PDE1A: variants seen among roughly 807,000 people sequenced by gnomAD.
PDE1A encodes phosphodiesterase 1A, also known as dual specificity calcium/calmodulin-dependent 3',5'-cyclic nucleotide phosphodiesterase 1A.
A neutral mutation model predicts 61.7 loss-of-function variants in PDE1A; 35 were observed. That is an observed-to-expected ratio of 0.57 (90% CI 0.43 to 0.75). The LOEUF is 0.75. Among genes scored for constraint, PDE1A ranks in the 30% least tolerant of loss-of-function variants. PDE1A has a pLI of 0.00. For missense variants in PDE1A, 597 were observed against 630.6 expected (o/e 0.95, Z 0.57); for synonymous variants, 232 against 213.2 (o/e 1.09, Z -0.77).
chr2:182,605,940 G>A, the PDE1A span, among the ~76,000 whole-genome samples: 82,331 of 151,942 alleles, frequency 0.54, 22,788 homozygotes, highest in Admixed American at 0.66. Context: ...CATCTTCCAG[G>A]TCTCATATTT....
chr2:182,242,832 CCCA>C (rs1690624973), intron 2 of PDE1A, among the ~76,000 whole-genome samples: 1 of 151,922 alleles, frequency 6.6e-6, no homozygotes, highest in Admixed American at 6.6e-5. Context: ...ATCACATGAG[CCCA>C]TTCCTTAAAA....
chr2:182,540,200 C>T, the PDE1A span, among the ~76,000 whole-genome samples: 12 of 151,948 alleles, frequency 7.9e-5, no homozygotes, highest in East Asian at 2.1e-3. Context: ...ACCGTCTCTA[C>T]TAAAAATACA....
At chr2:182,313,769 A>G (rs1013026964) in intron 1 of PDE1A, among the ~76,000 whole-genome samples, 3 of 151,164 alleles carry the variant, frequency 2.0e-5, no homozygotes, top group Admixed American at 1.3e-4. Context: ...AAACATTAGT[A>G]GGTTTTTAAG....
intron 1 of PDE1A, among the ~76,000 whole-genome samples, chr2:182,356,698 C>T (rs1478472754): frequency 6.6e-6 from 1 of 152,074 alleles, no homozygotes; most frequent in Non-Finnish European, 1.5e-5. Context: ...GGCGCCACTG[C>T]ACTCCAGCCT....
rs150406643 is a variant in PDE1A at position 182,502,987 on chromosome 2, G to A, written c.101+19289C>T. On this transcript the variant is annotated intron_variant, in intron 2 of 14. Coordinates refer to the PDE1A transcript ENST00000410103. Reference sequence around the variant, plus strand: ...TTTCAGGTAAGGAACTGTAGACCCAGTTGTTCAGGTTCTCTCTTTCTCTCT... The same window carrying A: ...TTTCAGGTAAGGAACTGTAGACCCAATTGTTCAGGTTCTCTCTTTCTCTCT... Among the ~76,000 whole-genome samples the A allele has an allele frequency of 5.7e-3, 867 of 150,932 alleles. 9 individuals carry two copies. Among genetic ancestry groups the A allele is most frequent in the African/African-American group, 0.02 (837 of 40,856 alleles).
the PDE1A span, among the ~76,000 whole-genome samples, chr2:182,636,318 G>A: frequency 6.6e-6 from 1 of 151,986 alleles, no homozygotes; most frequent in African/African-American, 2.4e-5. Flanking sequence ...CTGTCTCCTA[G>A]TTCCAACAAA....
intron 2 of PDE1A, among the ~76,000 whole-genome samples, chr2:182,436,170 C>T (rs955649038): frequency 1.3e-5 from 2 of 151,932 alleles, no homozygotes; most frequent in Non-Finnish European, 2.9e-5. Context: ...TATATTTGTA[C>T]CCTCACTCCT....
At chr2:182,225,238 C>G (rs769688470) in intron 6 of PDE1A, among the ~76,000 whole-genome samples, 1 of 151,870 alleles carries the variant, frequency 6.6e-6, no homozygotes, top group African/African-American at 2.4e-5. Context: ...GTCAATAGTA[C>G]AATCGTGTTG....
At chr2:182,167,312 A>G (rs1286904935), downstream of PDE1A, among the ~76,000 whole-genome samples, 2 of 152,138 alleles carry the variant, frequency 1.3e-5, no homozygotes, top group East Asian at 1.9e-4. Context: ...TCTTACAAAC[A>G]TTCTTTACTG....
intron 1 of PDE1A, among the ~76,000 whole-genome samples, chr2:182,341,040 T>C (rs1228516956): frequency 2.0e-5 from 3 of 152,224 alleles, no homozygotes; most frequent in Non-Finnish European, 4.4e-5. Context: ...CATTGTTTAG[T>C]ATGGTGCTGA....
At chr2:182,199,389 G>T (rs142297711) in intron 10 of PDE1A, among the ~76,000 whole-genome samples, 2 of 151,598 alleles carry the variant, frequency 1.3e-5, no homozygotes, top group African/African-American at 4.8e-5. Flanking sequence ...GCTTCTTAAG[G>T]TGAAACAGAT....
intron 2 of PDE1A, among the ~76,000 whole-genome samples, chr2:182,488,352 G>C (rs931703030): frequency 6.6e-6 from 1 of 151,970 alleles, no homozygotes; most frequent in Admixed American, 6.6e-5. Flanking sequence ...TCACAACTGC[G>C]ACCTTCTGAA....
intron 11 of PDE1A, among the ~76,000 whole-genome samples, chr2:182,187,106 G>A (rs1166758302): frequency 6.6e-6 from 1 of 152,200 alleles, no homozygotes; most frequent in East Asian, 1.9e-4. Flanking sequence ...CTTTCTGCCA[G>A]TGTGTTAATA....
At chr2:182,600,221 C>T in the PDE1A span, among the ~76,000 whole-genome samples, 1 of 152,150 alleles carries the variant, frequency 6.6e-6, no homozygotes, top group East Asian at 1.9e-4. Flanking sequence ...ATCATCAACG[C>T]ATTTCTCTTT....
chr2:182,340,806 T>C lies in PDE1A; in HGVS notation c.54-76392A>G, dbSNP rs190707482. ...TGGATATATTGTAGAGAATTTCTCT[T>C]ACCTCTCCTTTAGAGTCATGATGCC... is the stretch of plus-strand genomic sequence containing the variant. On this transcript the variant is annotated intron_variant, in intron 1 of 13. Coordinates refer to ENST00000351439, the Ensembl canonical transcript of PDE1A. Among the ~76,000 whole-genome samples, 426 of 152,320 alleles carry C rather than the reference T, an allele frequency of 2.8e-3. 2 individuals carry two copies. Among genetic ancestry groups the C allele is most frequent in the African/African-American group, 9.6e-3 (401 of 41,578 alleles).
chr2:182,700,207 A>G, the PDE1A span, among the ~76,000 whole-genome samples: 2 of 152,222 alleles, frequency 1.3e-5, no homozygotes, highest in East Asian at 3.8e-4. Context: ...TTGTAAGAAC[A>G]TCTTACTCTA....
intron 2 of PDE1A, among the ~76,000 whole-genome samples, chr2:182,432,986 T>C (rs1704032143): frequency 6.6e-6 from 1 of 152,098 alleles, no homozygotes; most frequent in Non-Finnish European, 1.5e-5. Context: ...GTTACTTCAA[T>C]ATCCTCTAAG....
At chr2:182,403,879 T>C (rs946200814) in intron 1 of PDE1A, among the ~76,000 whole-genome samples, 1 of 152,064 alleles carries the variant, frequency 6.6e-6, no homozygotes, top group South Asian at 2.1e-4. Flanking sequence ...AAATACCTAA[T>C]GTAGATCATG....
the PDE1A span, among the ~76,000 whole-genome samples, chr2:182,707,918 G>A: frequency 6.6e-6 from 1 of 152,078 alleles, no homozygotes; most frequent in Non-Finnish European, 1.5e-5. Flanking sequence ...CAGCTAGGTA[G>A]GATGACTAAC....
Sources: gnomAD v4.1 joint callset for allele counts (sites outside exome capture counted in the v4.1 genomes callset) on GRCh38, gnomAD v4.1.1 for gene constraint, MANE v1.5 for transcripts, NCBI Gene and HGNC (gene_info 2026-07-23, HGNC 2026-07-21) for gene names.